The following ESRRG variants were observed in gnomAD, a reference collection of about 807,000 sequenced individuals.
The protein encoded by ESRRG is estrogen related receptor gamma, also known as estrogen-related receptor gamma.
In ESRRG, 13 loss-of-function variants were observed where a neutral mutation model predicts 44.0. That is an observed-to-expected ratio of 0.30 (90% CI 0.19 to 0.47). ESRRG has a LOEUF of 0.47. Ranked by LOEUF, ESRRG falls within the 20% of genes least tolerant of loss-of-function variation. ESRRG has a pLI of 1.00. For synonymous variants in ESRRG, 215 were observed against 214.6 expected (o/e 1.00, Z -0.02); for missense variants, 395 against 580.6 (o/e 0.68, Z 3.29).
chr1:217,053,549 A>G (rs865882270), intron 1 of ESRRG, among the ~76,000 whole-genome samples: 7 of 151,662 alleles, frequency 4.6e-5, no homozygotes, highest in African/African-American at 1.7e-4. Context: ...ATGCTGTAGA[A>G]AAATTATGTC....
chr1:216,625,244 G>A (rs951326888), intron 3 of ESRRG, among the ~76,000 whole-genome samples: 4 of 151,738 alleles, frequency 2.6e-5, no homozygotes, highest in East Asian at 3.9e-4. Context: ...TCAGAAACAC[G>A]TACTGGCTCA....
intron 1 of ESRRG, among the ~76,000 whole-genome samples, chr1:217,130,855 A>G (rs1443202335): frequency 6.6e-6 from 1 of 151,766 alleles, no homozygotes; most frequent in Non-Finnish European, 1.5e-5. Flanking sequence ...GAAAAAGAAC[A>G]CATACATTTT....
intron 2 of ESRRG, among the ~76,000 whole-genome samples, chr1:216,782,639 T>G (rs1314719060): frequency 3.9e-5 from 6 of 152,048 alleles, no homozygotes; most frequent in Non-Finnish European, 8.8e-5. Context: ...TAGTTCTTTA[T>G]TTAAAAGAAT....
At chr1:216,668,208 G>A (rs995857912) in intron 2 of ESRRG, among the ~76,000 whole-genome samples, 1 of 152,152 alleles carries the variant, frequency 6.6e-6, no homozygotes, top group Admixed American at 6.5e-5. Flanking sequence ...AGGAAAGAAG[G>A]TTACCCTTTT....
At chr1:216,971,780 CACAT>C (rs1366062856) in intron 1 of ESRRG, among the ~76,000 whole-genome samples, 1 of 152,190 alleles carries the variant, frequency 6.6e-6, no homozygotes, top group Non-Finnish European at 1.5e-5. Context: ...AAAACACACA[CACAT>C]AAAAGAGTGA....
chr1:217,085,637 C>G (rs111545747), intron 1 of ESRRG, among the ~76,000 whole-genome samples: 2 of 151,096 alleles, frequency 1.3e-5, no homozygotes. Context: ...ATTACAGGTG[C>G]GCACCACCAC....
chr1:216,862,673 G>T (rs537685836), intron 2 of ESRRG: 1 of 152,098 alleles, frequency 6.6e-6, no homozygotes, highest in Non-Finnish European at 1.5e-5. Context: ...TTACATGAAA[G>T]TCTACAAAAT....
intron 1 of ESRRG, among the ~76,000 whole-genome samples, chr1:216,995,830 T>C (rs2076304754): frequency 6.6e-6 from 1 of 152,134 alleles, no homozygotes; most frequent in African/African-American, 2.4e-5. Flanking sequence ...CTACATTTTG[T>C]CCTATTCTTT....
upstream of ESRRG, among the ~76,000 whole-genome samples, chr1:216,726,073 T>C (rs1167925507): frequency 1.3e-5 from 2 of 152,212 alleles, no homozygotes; most frequent in Admixed American, 1.3e-4. Flanking sequence ...TTTAGACTCA[T>C]GCGTAAGTCA....
intron 1 of ESRRG, among the ~76,000 whole-genome samples, chr1:217,100,462 A>C (rs2092493680): frequency 6.6e-6 from 1 of 152,132 alleles, no homozygotes; most frequent in Non-Finnish European, 1.5e-5. Flanking sequence ...TTTCTTCACA[A>C]ACTGTGGGTT....
chr1:216,847,756 C>T (rs759130920), intron 2 of ESRRG, among the ~76,000 whole-genome samples: 5 of 152,092 alleles, frequency 3.3e-5, no homozygotes, highest in Admixed American at 6.6e-5. Flanking sequence ...ATTATCAAAG[C>T]ATCATGACTG....
At chr1:216,897,326 G>A (rs185983948) in intron 2 of ESRRG, among the ~76,000 whole-genome samples, 1 of 152,230 alleles carries the variant, frequency 6.6e-6, no homozygotes, top group Admixed American at 6.5e-5. Context: ...AAACATCAAT[G>A]TGCCTAAGGA....
At chr1:216,622,183 T>C (rs1256191292) in intron 3 of ESRRG, among the ~76,000 whole-genome samples, 1 of 152,222 alleles carries the variant, frequency 6.6e-6, no homozygotes, top group Admixed American at 6.5e-5. Context: ...GAAAACACCA[T>C]GAAAGTTATC....
intron 3 of ESRRG, among the ~76,000 whole-genome samples, chr1:216,592,091 A>C: frequency 6.6e-6 from 1 of 152,210 alleles, no homozygotes; most frequent in East Asian, 1.9e-4. Flanking sequence ...AAAGACACAT[A>C]ACCTGAATCT....
chr1:216,519,971 C>T (rs1299617499), intron 5 of ESRRG, among the ~76,000 whole-genome samples: 2 of 151,988 alleles, frequency 1.3e-5, no homozygotes, highest in East Asian at 3.9e-4. Context: ...AATAGGTGAG[C>T]CTTCTTAATT....
At chr1:217,039,584 C>T (rs1322101533) in intron 1 of ESRRG, among the ~76,000 whole-genome samples, 1 of 152,138 alleles carries the variant, frequency 6.6e-6, no homozygotes, top group African/African-American at 2.4e-5. Context: ...AAGACCTGCC[C>T]CCATGATTCA....
At chr1:217,129,495 G>T (rs911546180) in intron 1 of ESRRG, among the ~76,000 whole-genome samples, 1 of 152,190 alleles carries the variant, frequency 6.6e-6, no homozygotes, top group Non-Finnish European at 1.5e-5. Context: ...GTACACAGGT[G>T]TTCACAGCAG....
At chr1:217,096,567 G>C (rs867844280) in intron 1 of ESRRG, among the ~76,000 whole-genome samples, 2 of 152,132 alleles carry the variant, frequency 1.3e-5, no homozygotes, top group Admixed American at 1.3e-4. Flanking sequence ...ACGATCCTTA[G>C]AGCACTGGTG....
chr1:216,762,770 G>A (rs974225499), intron 2 of ESRRG, among the ~76,000 whole-genome samples: 2 of 151,552 alleles, frequency 1.3e-5, no homozygotes, highest in African/African-American at 2.4e-5. Context: ...ATAGGCTAGG[G>A]AGCATTTTTT....
Sources: allele counts gnomAD v4.1 joint callset (sites outside exome capture counted in the v4.1 genomes callset), GRCh38; gene constraint gnomAD v4.1.1; transcripts MANE v1.5; gene names NCBI Gene and HGNC (gene_info 2026-07-23, HGNC 2026-07-21).